Variants in MMD2 observed in about 807,000 individuals in gnomAD.
MMD2 encodes the protein monocyte to macrophage differentiation factor 2.
Under a neutral mutation model 33.5 loss-of-function variants are expected in MMD2, and 30 were observed. The observed-to-expected ratio is 0.90, with a 90% CI of 0.67 to 1.22. The LOEUF (loss-of-function observed/expected upper bound fraction) is 1.22. Among genes scored for constraint, MMD2 ranks in the 50% most tolerant of loss-of-function variants. The probability of loss-of-function intolerance (pLI) is 0.00; values close to 1 mark genes in which losing one functional copy is unlikely to be tolerated. For missense variants in MMD2, 364 were observed against 325.4 expected (o/e 1.12, Z -0.91); for synonymous variants, 129 against 123.0 (o/e 1.05, Z -0.32).
chr7:4,958,857 C>T (rs1786460372), intron 1 of MMD2, 114 bp downstream of exon 1: 4 of 938,132 alleles, frequency 4.3e-6, no homozygotes, highest in East Asian at 6.7e-5. Flanking sequence ...AGGGGTCCGC[C>T]GATCCCCTCT....
At chr7:4,930,748 C>A (rs57318084) in intron 1 of MMD2, among the ~76,000 whole-genome samples, 15,809 of 152,096 alleles carry the variant, frequency 0.1, 944 homozygotes, top group East Asian at 0.24. Context: ...TGTGGCAATG[C>A]GAAGAAATAT....
chr7:4,944,534 C>T (rs758897815), intron 1 of MMD2, among the ~76,000 whole-genome samples: 1 of 152,122 alleles, frequency 6.6e-6, no homozygotes, highest in African/African-American at 2.4e-5. Flanking sequence ...CCTACTATTC[C>T]TGCGAAAGGA....
rs1785134791 is a variant in MMD2 at position 4,916,073 on chromosome 7, C to T, written c.297G>A (p.Val99=). The T allele has an allele frequency of 6.2e-7, 1 of 1,613,462 alleles. No individual in the cohort carries two copies. The highest frequency in any genetic ancestry group is 1.3e-5 in the African/African-American group (1 of 74,914). Residue 99 remains valine, a synonymous_variant, in exon 4 of 7, where the codon GTG becomes GTA. Transcript: ENST00000401401. ...ISWKKSHLRM[V]EHCLHMFDRM... is the part of the protein sequence containing the mutation. ...GGTCGAACATGTGTAGACAGTGTTCCACCATCCTAGGGCGGCAGAGAAGCC... is the reference window on the plus strand; with the variant it reads ...GGTCGAACATGTGTAGACAGTGTTCTACCATCCTAGGGCGGCAGAGAAGCC...
At chr7:4,933,165 C>T (rs1785639304) in intron 1 of MMD2, among the ~76,000 whole-genome samples, 1 of 152,030 alleles carries the variant, frequency 6.6e-6, no homozygotes, top group African/African-American at 2.4e-5. Flanking sequence ...CGCTTGAGAC[C>T]AGCTTTGGCA....
chr7:4,934,619 T>C (rs1418722836), intron 1 of MMD2, among the ~76,000 whole-genome samples: 1 of 152,152 alleles, frequency 6.6e-6, no homozygotes, highest in Non-Finnish European at 1.5e-5. Flanking sequence ...CCCTTACTGC[T>C]TACATGAGCA....
intron 1 of MMD2, among the ~76,000 whole-genome samples, chr7:4,929,980 G>A (rs1340121600): frequency 3.3e-5 from 5 of 152,046 alleles, no homozygotes; most frequent in African/African-American, 4.8e-5. Context: ...TAGTTAAGAT[G>A]AGGCCAGGGC....
At chr7:4,916,191 G>T in intron 3 of MMD2, 112 bp from the exon 4 acceptor site, 1 of 945,152 alleles carries the variant, frequency 1.1e-6, no homozygotes, top group Non-Finnish European at 1.7e-6. Flanking sequence ...AGCAGGGCTG[G>T]GCTCCTCTGT....
intron 4 of MMD2, among the ~76,000 whole-genome samples, chr7:4,913,608 T>C (rs1785067419): frequency 1.3e-5 from 2 of 151,196 alleles, no homozygotes; most frequent in South Asian, 4.2e-4. Flanking sequence ...ATTCCAGCTA[T>C]TTGGGAGGCT....
chr7:4,910,781 A>G (rs1404242831), intron 5 of MMD2, among the ~76,000 whole-genome samples: 3 of 152,084 alleles, frequency 2.0e-5, no homozygotes, highest in Non-Finnish European at 4.4e-5. Flanking sequence ...GGCACCCATC[A>G]TGACACCCAG....
chr7:4,909,819 T>C (rs761022865), intron 6 of MMD2, 62 bp downstream of exon 6: 2 of 1,559,428 alleles, frequency 1.3e-6, no homozygotes, highest in South Asian at 2.3e-5. Flanking sequence ...AACAGCCAGG[T>C]CCAGCTCGGA....
downstream of MMD2, among the ~76,000 whole-genome samples, chr7:4,905,692 A>G (rs1784854076): frequency 6.6e-6 from 1 of 151,990 alleles, no homozygotes; most frequent in African/African-American, 2.4e-5. This position sits in a 1 kb window ranked among gnomAD's most constrained non-coding sequence, Gnocchi z 5.0. Flanking sequence ...GGCAGAGGTC[A>G]AGTTTTCAGT....
chr7:4,940,391 C>T lies in MMD2; in HGVS notation c.48-14859G>A, dbSNP rs1212239081. On this transcript the variant is annotated intron_variant, in intron 1 of 6. Transcript: ENST00000401401. This position sits in a 1 kb window ranked among gnomAD's most constrained non-coding sequence, Gnocchi z 5.0. The stretch of plus-strand genomic sequence containing the variant: ...CCGGGCCCCGGAACGCGGCTGCAGC[C>T]ACCCCTCCCAGGCTGGGCTGGTGCC... Among the ~76,000 whole-genome samples the T allele has an allele frequency of 6.6e-6, 1 of 152,226 alleles. No individual in the cohort carries two copies. Among genetic ancestry groups the T allele is most frequent in the Non-Finnish European group, 1.5e-5 (1 of 68,038 alleles).
the MMD2 span, among the ~76,000 whole-genome samples, chr7:4,899,957 G>A: frequency 6.6e-6 from 1 of 152,184 alleles, no homozygotes; most frequent in African/African-American, 2.4e-5. Context: ...TGTGCAAAGA[G>A]AAAGTTGTCA....
intron 5 of MMD2, 128 bp from the exon 6 acceptor site, chr7:4,910,078 T>C: frequency 6.3e-7 from 1 of 1,590,798 alleles, no homozygotes; most frequent in Non-Finnish European, 8.6e-7. Flanking sequence ...ACGCTTTCTC[T>C]GTCCAGCACG....
downstream of MMD2, among the ~76,000 whole-genome samples, chr7:4,905,432 A>G (rs1022404029): frequency 6.7e-6 from 1 of 149,310 alleles, no homozygotes; most frequent in East Asian, 2.0e-4. The surrounding 1 kb of genome is among the most constrained non-coding windows in gnomAD (Gnocchi z 5.0). Context: ...AGGAAGGGGA[A>G]GAAAGGGAAG....
chr7:4,920,296 G>T lies in MMD2; in HGVS notation c.165C>A (p.Asn55Lys), dbSNP rs1027956978. The T allele has an allele frequency of 6.2e-7, 1 of 1,609,396 alleles. No individual in the cohort carries two copies. Among genetic ancestry groups the T allele is most frequent in the Non-Finnish European group, 8.5e-7 (1 of 1,178,196 alleles). ...WIIPSILGSSNLYFLSDDDWE... is the reference protein window; with the variant it reads ...WIIPSILGSSKLYFLSDDDWE... ...AGTCATCGTCCGACAGGAAGTAGAGGTTGGAGCTGCCCAGGATGCTGGGGA... is the reference window on the plus strand; with the variant it reads ...AGTCATCGTCCGACAGGAAGTAGAGTTTGGAGCTGCCCAGGATGCTGGGGA... Residue 55 changes from asparagine (N) to lysine (K), a missense_variant, in exon 3 of 7, where the codon AAC becomes AAA. Physicochemically the swap from Asn to Lys is moderately conservative, Grantham distance 94. Coordinates refer to ENST00000401401, the MANE Select transcript of MMD2 (RefSeq NM_198403.4).
At chr7:4,945,476 C>T (rs1270394699) in intron 1 of MMD2, among the ~76,000 whole-genome samples, 1 of 151,664 alleles carries the variant, frequency 6.6e-6, no homozygotes, top group Non-Finnish European at 1.5e-5. Flanking sequence ...CCATGTTGGC[C>T]AGGCTGTTAT....
At chr7:4,931,903 T>G (rs967493527) in intron 1 of MMD2, among the ~76,000 whole-genome samples, 2 of 152,022 alleles carry the variant, frequency 1.3e-5, no homozygotes, top group African/African-American at 4.8e-5. Context: ...CCAAAAGCCC[T>G]CCAGGAGGCC....
chr7:4,913,778 T>C (rs990921319), intron 4 of MMD2, among the ~76,000 whole-genome samples: 37 of 150,648 alleles, frequency 2.5e-4, no homozygotes, highest in African/African-American at 6.9e-4. Context: ...TCTCCTGCCT[T>C]AGCCTCCCGA....
Sources: gnomAD v4.1 joint callset for allele counts (sites outside exome capture counted in the v4.1 genomes callset) on GRCh38, gnomAD v4.1.1 for gene constraint, Gnocchi (gnomAD v3.1) non-coding constraint, MANE v1.5 for transcripts, NCBI Gene and HGNC (gene_info 2026-07-23, HGNC 2026-07-21) for gene names.